Variants in C8orf34 observed in about 807,000 individuals in gnomAD.
C8orf34 encodes the protein chromosome 8 open reading frame 34.
In C8orf34, 65 loss-of-function variants were observed where a neutral mutation model predicts 68.3. That is an observed-to-expected ratio of 0.95 (90% CI 0.78 to 1.17). The LOEUF (loss-of-function observed/expected upper bound fraction) is 1.17. Ranked by LOEUF, C8orf34 falls within the 50% of genes most tolerant of loss-of-function variation. The probability of loss-of-function intolerance (pLI) is 0.00; values close to 1 mark genes in which losing one functional copy is unlikely to be tolerated. For missense variants in C8orf34, 664 were observed against 655.4 expected, an observed-to-expected ratio of 1.01 and a Z score of -0.14; for synonymous variants, 244 against 241.2, an observed-to-expected ratio of 1.01 and a Z score of -0.11.
At chr8:68,794,469 GTATATAAATATAAATATA>G (rs1824106976) in intron 12 of C8orf34, among the ~76,000 whole-genome samples, 2 of 110,610 alleles carry the variant, frequency 1.8e-5, no homozygotes, top group African/African-American at 9.0e-5. Context: ...ATTGTGCCCA[GTATATAAATATAAATATA>G]TATATATATA....
chr8:68,501,264 C>T (rs374469359), intron 5 of C8orf34, among the ~76,000 whole-genome samples: 1 of 152,172 alleles, frequency 6.6e-6, no homozygotes, highest in Non-Finnish European at 1.5e-5. Context: ...CAGCCAACAA[C>T]CATCTCACCA....
intron 7 of C8orf34, among the ~76,000 whole-genome samples, chr8:68,590,680 T>C (rs1817361174): frequency 6.6e-6 from 1 of 152,164 alleles, no homozygotes; most frequent in Non-Finnish European, 1.5e-5. Flanking sequence ...AAGATTTGAG[T>C]CTGAGTCTAT....
chr8:68,685,109 T>C lies in C8orf34; in HGVS notation c.1242-23885T>C, dbSNP rs562567462. 4.3e-3 allele frequency among the ~76,000 whole-genome samples: 661 copies of C among 152,264 alleles called. 10 individuals are homozygous for C. The highest frequency in any genetic ancestry group is 0.015 in the African/African-American group (623 of 41,568). ...TATAACTCTTTCATACTAAGGTATG[T>C]TTTAACTCTTTCATACTACGGTAAC... On this transcript the variant is annotated intron_variant, in intron 8 of 13. Coordinates refer to ENST00000518698, the MANE Select transcript of C8orf34 (RefSeq NM_052958.4).
intron 3 of C8orf34, among the ~76,000 whole-genome samples, chr8:68,463,637 A>G (rs958861080): frequency 5.3e-5 from 8 of 152,240 alleles, no homozygotes; most frequent in Non-Finnish European, 1.2e-4. Context: ...CTGGTTCAAT[A>G]TACACAAATC....
chr8:68,588,305 A>G (rs182678205), intron 7 of C8orf34, among the ~76,000 whole-genome samples: 2 of 152,318 alleles, frequency 1.3e-5, no homozygotes, highest in African/African-American at 4.8e-5. Flanking sequence ...TGCAGCAAAA[A>G]TCAGGATAAA....
At chr8:68,526,268 T>A (rs1433838365) in intron 6 of C8orf34, among the ~76,000 whole-genome samples, 1 of 152,168 alleles carries the variant, frequency 6.6e-6, no homozygotes, top group Non-Finnish European at 1.5e-5. Flanking sequence ...TAAGATAAAT[T>A]TCTTTTTAAA....
intron 7 of C8orf34, among the ~76,000 whole-genome samples, chr8:68,591,858 A>G (rs1817398271): frequency 6.6e-6 from 1 of 152,166 alleles, no homozygotes; most frequent in East Asian, 1.9e-4. Flanking sequence ...TCAGACTATT[A>G]CTAACGGCTG....
chr8:68,546,433 G>A (rs1040967690), intron 7 of C8orf34, among the ~76,000 whole-genome samples: 1 of 151,562 alleles, frequency 6.6e-6, no homozygotes, highest in African/African-American at 2.4e-5. Context: ...TATTCAATAG[G>A]AAGACAAAAC....
intron 7 of C8orf34, among the ~76,000 whole-genome samples, chr8:68,558,605 AAGAG>A (rs1204489183): frequency 6.6e-6 from 1 of 151,146 alleles, no homozygotes; most frequent in Admixed American, 6.6e-5. Flanking sequence ...GCGAGTGGGA[AAGAG>A]AGAGAGAAAG....
At chr8:68,684,111 T>C (rs1159703066) in intron 8 of C8orf34, among the ~76,000 whole-genome samples, 4 of 152,216 alleles carry the variant, frequency 2.6e-5, no homozygotes, top group Non-Finnish European at 5.9e-5. Context: ...TACTTTCTTT[T>C]TCTTTCATCA....
chr8:68,639,604 T>C (rs557065350), intron 7 of C8orf34, among the ~76,000 whole-genome samples: 1 of 152,298 alleles, frequency 6.6e-6, no homozygotes, highest in South Asian at 2.1e-4. Flanking sequence ...AAACTTTATG[T>C]ATCTTTAGTG....
intron 10 of C8orf34, among the ~76,000 whole-genome samples, chr8:68,748,788 G>T (rs949873091): frequency 6.6e-5 from 10 of 152,288 alleles, no homozygotes; most frequent in Non-Finnish European, 5.9e-5. Flanking sequence ...CACTGTTGGT[G>T]GGACTGTAAA....
intron 7 of C8orf34, among the ~76,000 whole-genome samples, chr8:68,544,862 T>G (rs1364083140): frequency 6.6e-6 from 1 of 151,578 alleles, no homozygotes; most frequent in Non-Finnish European, 1.5e-5. Flanking sequence ...AAAGCAAAGA[T>G]TAAAGAAAAA....
chr8:68,438,893 A>G (rs937288359), intron 1 of C8orf34: 1 of 152,178 alleles, frequency 6.6e-6, no homozygotes, highest in African/African-American at 2.4e-5. Flanking sequence ...ACATTGCTCA[A>G]CTCAAAAAAG....
At chr8:68,613,226 C>T (rs1015707011) in intron 7 of C8orf34, among the ~76,000 whole-genome samples, 2 of 151,838 alleles carry the variant, frequency 1.3e-5, no homozygotes, top group Admixed American at 6.6e-5. Flanking sequence ...GGAATTCTTG[C>T]CCTGTGGTCT....
chr8:68,637,616 A>G (rs1416130664), intron 7 of C8orf34, among the ~76,000 whole-genome samples: 1 of 152,168 alleles, frequency 6.6e-6, no homozygotes, highest in African/African-American at 2.4e-5. Flanking sequence ...ACACATGTGA[A>G]TCTCTATTAA....
intron 1 of C8orf34, among the ~76,000 whole-genome samples, chr8:68,349,142 A>G (rs1296008723): frequency 6.6e-6 from 1 of 151,968 alleles, no homozygotes; most frequent in Non-Finnish European, 1.5e-5. Context: ...ATTTTGAGGT[A>G]TGTTTCTTCA....
intron 8 of C8orf34, among the ~76,000 whole-genome samples, chr8:68,674,126 T>C (rs1820104610): frequency 6.6e-6 from 1 of 152,080 alleles, no homozygotes; most frequent in East Asian, 1.9e-4. Flanking sequence ...AAAATGTAGA[T>C]GACAACACCC....
intron 8 of C8orf34, among the ~76,000 whole-genome samples, chr8:68,647,589 C>A (rs1819217046): frequency 6.6e-6 from 1 of 152,086 alleles, no homozygotes; most frequent in South Asian, 2.1e-4. Flanking sequence ...AGATACACAA[C>A]CACTGGAGGA....
Sources: gnomAD v4.1 joint callset for allele counts (sites outside exome capture counted in the v4.1 genomes callset) on GRCh38, gnomAD v4.1.1 for gene constraint, MANE v1.5 for transcripts, NCBI Gene and HGNC (gene_info 2026-07-23, HGNC 2026-07-21) for gene names.